DYNC2H1: variants seen among roughly 807,000 people sequenced by gnomAD.
The protein encoded by DYNC2H1 is cytoplasmic dynein 2 heavy chain 1.
In DYNC2H1, 410 loss-of-function variants were observed where a neutral mutation model predicts 570.0. The ratio of observed to expected loss-of-function variants is 0.72; its 90% confidence interval spans 0.66 to 0.78. The LOEUF (loss-of-function observed/expected upper bound fraction) is 0.78, where lower values mean the gene tolerates loss of function less well. Among genes scored for constraint, DYNC2H1 ranks in the 30% least tolerant of loss-of-function variants. DYNC2H1 has a pLI of 0.00. For missense variants in DYNC2H1, 4,865 were observed against 5,046.4 expected, an observed-to-expected ratio of 0.96 and a Z score of 1.09; for synonymous variants, 1,688 against 1,677.6, an observed-to-expected ratio of 1.01 and a Z score of -0.15.
At chr11:103,467,036 G>C (rs1945214548) in intron 87 of DYNC2H1, among the ~76,000 whole-genome samples, 1 of 152,074 alleles carries the variant, frequency 6.6e-6, no homozygotes, top group Admixed American at 6.6e-5. Flanking sequence ...ATGTGCAGCT[G>C]TTGGAAATGA....
chr11:103,272,770 T>TCCC (rs1865760564), intron 70 of DYNC2H1, among the ~76,000 whole-genome samples: 1 of 152,080 alleles, frequency 6.6e-6, no homozygotes, highest in Non-Finnish European at 1.5e-5. Flanking sequence ...ATTATAATTA[T>TCCC]TTACTAGAGT....
intron 47 of DYNC2H1, among the ~76,000 whole-genome samples, chr11:103,193,100 T>C (rs1161584013): frequency 1.3e-5 from 2 of 152,114 alleles, no homozygotes; most frequent in Non-Finnish European, 2.9e-5. Context: ...ACTTCGAGGG[T>C]GGGAAAGATG....
intron 50 of DYNC2H1, among the ~76,000 whole-genome samples, chr11:103,202,379 A>G (rs1370698116): frequency 1.4e-5 from 2 of 141,922 alleles, no homozygotes; most frequent in Admixed American, 7.7e-5. Flanking sequence ...GGTCTTTATT[A>G]TCAAGATATA....
intron 76 of DYNC2H1, among the ~76,000 whole-genome samples, chr11:103,303,609 A>T (rs1421733064): frequency 6.6e-6 from 1 of 152,106 alleles, no homozygotes; most frequent in Non-Finnish European, 1.5e-5. Context: ...GGCTTTGAAG[A>T]TGGAGGAACG....
intron 88 of DYNC2H1, among the ~76,000 whole-genome samples, chr11:103,471,554 A>G (rs1480798401): frequency 6.6e-6 from 1 of 152,336 alleles, no homozygotes; most frequent in East Asian, 1.9e-4. Context: ...GTGTGTGTGT[A>G]AAGTACCTAG....
At chr11:103,135,682 T>C in intron 16 of DYNC2H1, 38 bp from the exon 17 acceptor site, 1 of 1,606,122 alleles carries the variant, frequency 6.2e-7, no homozygotes, top group Non-Finnish European at 8.5e-7. Flanking sequence ...TATAATTTTC[T>C]AACAATTTAT....
rs1044399112 is a variant in DYNC2H1, at chr11:103,343,206, C to T, written c.12040-15037C>T. 1.1e-4 allele frequency among the ~76,000 whole-genome samples: 16 copies of T among 152,162 alleles called. 1 individual carries two copies. Among genetic ancestry groups the T allele is most frequent in the East Asian group, 1.9e-4 (1 of 5,168 alleles). Reference sequence around the variant, plus strand: ...AGCTCTGAGGTCCCGACAAAAGTTTCGTTGACCCTGCAGCCATGAGCAGAG... The same window carrying T: ...AGCTCTGAGGTCCCGACAAAAGTTTTGTTGACCCTGCAGCCATGAGCAGAG... On this transcript the variant is annotated intron_variant, in intron 82 of 88. Transcript: ENST00000375735.
At chr11:103,220,583 T>G in intron 56 of DYNC2H1, 40 bp from the exon 57 acceptor site, 1 of 1,537,182 alleles carries the variant, frequency 6.5e-7, no homozygotes, top group Non-Finnish European at 8.8e-7. Context: ...TTTAAAGAAA[T>G]ATATAATTTG....
chr11:103,172,363 C>G (rs894925877), intron 34 of DYNC2H1, among the ~76,000 whole-genome samples: 3 of 152,140 alleles, frequency 2.0e-5, no homozygotes, highest in African/African-American at 7.2e-5. Flanking sequence ...CTTCCCTCCT[C>G]TACCAATTCC....
At position 103,321,245 on chromosome 11, in the gene DYNC2H1, AAATG is replaced by A. The variant is rs1938173839; in HGVS notation, c.11934+14_11934+17del. The A allele has an allele frequency of 1.9e-6, 3 of 1,595,778 alleles. No homozygotes were observed. The highest frequency in any genetic ancestry group is 2.7e-5 in the African/African-American group (2 of 74,698). On this transcript the variant is annotated intron_variant, in intron 81 of 88. Transcript: ENST00000375735. The stretch of plus-strand genomic sequence containing the variant: ...CAATCCTGCAGCATTTTGGTAGGTA[AAATG>A]AATGATTTTCAATCTATTTCCAGGT...
intron 11 of DYNC2H1, among the ~76,000 whole-genome samples, chr11:103,123,827 C>CTT (rs35580299): frequency 6.7e-6 from 1 of 148,534 alleles, no homozygotes; most frequent in African/African-American, 2.5e-5. Flanking sequence ...TCCTCCTGCC[C>CTT]TTTTTTTTTT....
intron 83 of DYNC2H1, among the ~76,000 whole-genome samples, chr11:103,390,909 T>A (rs1044533276): frequency 2.6e-5 from 4 of 152,194 alleles, no homozygotes; most frequent in African/African-American, 4.8e-5. Context: ...ACCCGACCTT[T>A]CTCTCTGGCT....
chr11:103,414,070 C>A (rs1483413465), intron 84 of DYNC2H1, among the ~76,000 whole-genome samples: 2 of 150,744 alleles, frequency 1.3e-5, no homozygotes, highest in Non-Finnish European at 3.0e-5. Context: ...TAAGTCATAA[C>A]ACAATGATAA....
chr11:103,112,724 C>T (rs1858173398), intron 1 of DYNC2H1, among the ~76,000 whole-genome samples: 2 of 152,158 alleles, frequency 1.3e-5, no homozygotes, highest in Non-Finnish European at 1.5e-5. Flanking sequence ...GTTCTTCCTA[C>T]ACAGCAGTGA....
At chr11:103,450,018 A>G (rs1944546012) in intron 85 of DYNC2H1, among the ~76,000 whole-genome samples, 1 of 152,218 alleles carries the variant, frequency 6.6e-6, no homozygotes, top group Non-Finnish European at 1.5e-5. Context: ...AAAAAGATGT[A>G]TCATGCTAAC....
chr11:103,385,692 G>A (rs1244324203), intron 83 of DYNC2H1, among the ~76,000 whole-genome samples: 1 of 152,068 alleles, frequency 6.6e-6, no homozygotes, highest in Non-Finnish European at 1.5e-5. Context: ...TCTAAAACTT[G>A]GAATCATCTC....
intron 82 of DYNC2H1, among the ~76,000 whole-genome samples, chr11:103,342,432 T>C (rs1367361501): frequency 6.6e-6 from 1 of 151,696 alleles, no homozygotes; most frequent in Admixed American, 6.6e-5. Flanking sequence ...CCAGTCCCCT[T>C]CCACAACGTG....
chr11:103,459,621 C>T (rs1386633099), intron 87 of DYNC2H1, among the ~76,000 whole-genome samples: 2 of 152,018 alleles, frequency 1.3e-5, no homozygotes, highest in African/African-American at 2.4e-5. Flanking sequence ...AGATCTTTCC[C>T]TTTTGGCTCT....
Position 103,120,713 on chromosome 11 carries a change from C to A in DYNC2H1, c.1159C>A (p.Gln387Lys). The A allele has an allele frequency of 6.2e-7, 1 of 1,609,150 alleles. No individual in the cohort carries two copies. Residue 387 changes from glutamine to lysine, a missense_variant, in exon 8 of 89, where the codon CAA (glutamine) becomes AAA (lysine). Gln to Lys is a moderately conservative substitution (Grantham distance 53). Transcript: ENST00000375735. The stretch of plus-strand genomic sequence containing the variant: ...GCCCTTGTGGAAAGCTGCGGTGTCT[C>A]AATATGAAAAGATTATTGCACCTGC... ...TEPLWKAAVS[Q>K]YEKIIAPAEQ...
Sources: gnomAD v4.1 joint callset for allele counts (sites outside exome capture counted in the v4.1 genomes callset) on GRCh38, gnomAD v4.1.1 for gene constraint, MANE v1.5 for transcripts, NCBI Gene and HGNC (gene_info 2026-07-23, HGNC 2026-07-21) for gene names.